Variants in USP3 observed in about 807,000 individuals in gnomAD.
USP3 encodes the protein ubiquitin carboxyl-terminal hydrolase 3.
A neutral mutation model predicts 72.3 loss-of-function variants in USP3; 20 were observed. That is an observed-to-expected ratio of 0.28 (90% confidence interval 0.19 to 0.40). USP3 has a LOEUF of 0.40. Ranked by LOEUF, USP3 falls within the 10% of genes least tolerant of loss-of-function variation. The pLI, the probability that USP3 is intolerant of heterozygous loss-of-function variation, is 1.00. For missense variants in USP3, 479 were observed against 633.9 expected (o/e 0.76, Z 2.62); for synonymous variants, 222 against 225.3 (o/e 0.99, Z 0.13).
chr15:63,533,560 A>G (rs2066110430), intron 2 of USP3, among the ~76,000 whole-genome samples: 1 of 152,212 alleles, frequency 6.6e-6, no homozygotes, highest in Non-Finnish European at 1.5e-5. Context: ...CAGTAAGGAA[A>G]TGAGAAATCA....
chr15:63,520,678 C>G (rs1040608505), intron 1 of USP3, among the ~76,000 whole-genome samples: 1 of 151,084 alleles, frequency 6.6e-6, no homozygotes, highest in African/African-American at 2.4e-5. Flanking sequence ...ATTCTCCTGC[C>G]TCAGCCTCCC....
intron 1 of USP3, among the ~76,000 whole-genome samples, chr15:63,508,394 G>A (rs904068236): frequency 3.0e-4 from 45 of 152,238 alleles, no homozygotes; most frequent in African/African-American, 1.0e-3. Flanking sequence ...GTCCTTTGCT[G>A]CCAAAAAAGT....
intron 11 of USP3, among the ~76,000 whole-genome samples, chr15:63,578,663 A>G (rs936091969): frequency 1.2e-4 from 18 of 152,066 alleles, no homozygotes; most frequent in African/African-American, 3.6e-4. Context: ...CTTGATGACA[A>G]TTATTCATTA....
intron 2 of USP3, among the ~76,000 whole-genome samples, chr15:63,533,381 T>C (rs1486153161): frequency 6.6e-6 from 1 of 152,160 alleles, no homozygotes; most frequent in African/African-American, 2.4e-5. Flanking sequence ...ACCTGAGCAT[T>C]TCTTCCCAGT....
Position 63,590,958 on chromosome 15 carries a change from T to C in USP3, c.*132T>C. 1 of 1,178,702 alleles carries C rather than the reference T, an allele frequency of 8.5e-7. No homozygotes were observed. Among genetic ancestry groups the C allele is most frequent in the South Asian group, 2.1e-5 (1 of 47,292 alleles). 73.0% of individuals were successfully genotyped at this position (1,178,702 alleles called of 1,614,324 possible). A position where few individuals can be genotyped will look rare whatever the true frequency, so the allele number is the denominator to read the frequency against. ...ATTTTGGATTTAGTTTTGTCAATGG[T>C]AGTGACTTACTGAACATGGGCACCA... On this transcript the variant is annotated 3_prime_UTR_variant, in exon 15 of 15. Transcript: ENST00000380324.
At chr15:63,578,984 A>C (rs1461522575) in intron 11 of USP3, among the ~76,000 whole-genome samples, 2 of 152,192 alleles carry the variant, frequency 1.3e-5, no homozygotes, top group African/African-American at 4.8e-5. Context: ...CTCAATTTTT[A>C]AAAAATCAAA....
In USP3 at chr15:63,574,093, A is replaced by G. The variant is rs948049964; in HGVS notation, c.956A>G (p.Gln319Arg). ...ACGGCTATATTCGGAGGCATTCTCC[A>G]AAATGAGGTTAACTGCCTCATATGT... Reference protein sequence around the residue: ...VVTAIFGGILQNEVNCLICGT... With the variant: ...VVTAIFGGILRNEVNCLICGT... Residue 319 changes from glutamine to arginine, a missense_variant, in exon 10 of 15, where the codon CAA becomes CGA. Physicochemically the swap from Gln to Arg is conservative, Grantham distance 43 (BLOSUM62 1). Coordinates refer to ENST00000380324, the MANE Select transcript of USP3 (RefSeq NM_006537.4). The surrounding 1 kb of genome is among the most constrained non-coding windows in gnomAD (Gnocchi z 4.6). 3 of 1,599,280 alleles carry G rather than the reference A, an allele frequency of 1.9e-6. No homozygotes were observed. The highest frequency in any genetic ancestry group is 2.6e-6 in the Non-Finnish European group (3 of 1,171,866).
chr15:63,534,916 G>GTTTA (rs958674714), intron 2 of USP3, among the ~76,000 whole-genome samples: 55 of 78,194 alleles, frequency 7.0e-4, no homozygotes, highest in Middle Eastern at 6.9e-3. Flanking sequence ...CCTTTTATTT[G>GTTTA]TTTATTTATT....
In USP3 at chr15:63,590,884, C is replaced by G. The variant is rs2067185821; in HGVS notation, c.*58C>G. On this transcript the variant is annotated 3_prime_UTR_variant, in exon 15 of 15. Transcript: ENST00000380324. ...CCAGAGAAACATTTCCAGTTTTCCA[C>G]AAATACTTGATACAAGATTTAATTT... is the stretch of plus-strand genomic sequence containing the variant. The G allele has an allele frequency of 1.0e-5, 15 of 1,502,874 alleles. No homozygotes were observed. Among genetic ancestry groups the G allele is most frequent in the Non-Finnish European group, 1.2e-5 (14 of 1,120,838 alleles). 93.1% of individuals were successfully genotyped at this position (1,502,874 alleles called of 1,614,324 possible).
At chr15:63,566,819 A>T (rs2066698747) in intron 8 of USP3, among the ~76,000 whole-genome samples, 1 of 152,204 alleles carries the variant, frequency 6.6e-6, no homozygotes, top group South Asian at 2.1e-4. Context: ...GAGGAAACTC[A>T]GTCATGATTG....
Position 63,506,305 on chromosome 15 carries a change from A to G in USP3, c.91+1475A>G, listed in dbSNP as rs1343207797. On this transcript the variant is annotated intron_variant, in intron 1 of 14. Coordinates refer to ENST00000380324, the MANE Select transcript of USP3 (RefSeq NM_006537.4). ...ATTGGTTGGTGGTGGTACATTAGCT[A>G]TAACTGTAGCCATTGCTGTGGTGCT... 2.6e-5 allele frequency among the ~76,000 whole-genome samples: 4 copies of G among 152,144 alleles called. No homozygotes were observed. In the East Asian group the frequency reaches 5.8e-4, roughly 22 times the overall value.
At chr15:63,530,290 C>A in intron 1 of USP3, among the ~76,000 whole-genome samples, 1 of 148,326 alleles carries the variant, frequency 6.7e-6, no homozygotes, top group Non-Finnish European at 1.5e-5. Flanking sequence ...TCCCTCCTTC[C>A]CTCCCTTCCT....
chr15:63,558,189 G>GTAA lies in USP3; in HGVS notation c.533+2_533+4dup. On this transcript the variant is annotated splice_donor_variant, in intron 6 of 14. Transcript: ENST00000380324. LOFTEE classifies it high-confidence loss of function. The stretch of plus-strand genomic sequence containing the variant: ...TGAATGCCATCCTTCAGTCACTCAG[G>GTAA]TAACGCTACAGTCAGAGCTTAAGTG... 1 of 1,613,880 alleles carries GTAA rather than the reference G, an allele frequency of 6.2e-7. No homozygotes were observed.
At chr15:63,579,598 C>T (rs2066919596) in intron 11 of USP3, among the ~76,000 whole-genome samples, 1 of 152,072 alleles carries the variant, frequency 6.6e-6, no homozygotes, top group Non-Finnish European at 1.5e-5. Context: ...AACATAAAAC[C>T]ACAGGACACT....
chr15:63,564,765 T>G (rs2066661486), intron 8 of USP3, among the ~76,000 whole-genome samples: 1 of 152,202 alleles, frequency 6.6e-6, no homozygotes, highest in African/African-American at 2.4e-5. Context: ...GAGAATAGGG[T>G]GCTTTTGTAT....
At position 63,511,270 on chromosome 15, in the gene USP3, A is replaced by AAAAAAAAAAAAAAAAG. The variant is rs1219796390; in HGVS notation, c.91+6452_91+6453insAAAGAAAAAAAAAAAA. Among the ~76,000 whole-genome samples, 50 of 148,180 alleles carry AAAAAAAAAAAAAAAAG rather than the reference A, an allele frequency of 3.4e-4. 3 individuals are homozygous for AAAAAAAAAAAAAAAAG. Among genetic ancestry groups the AAAAAAAAAAAAAAAAG allele is most frequent in the African/African-American group, 1.2e-3 (49 of 40,328 alleles). On this transcript the variant is annotated intron_variant, in intron 1 of 14. Coordinates refer to ENST00000380324, the MANE Select transcript of USP3 (RefSeq NM_006537.4). ...GACTTTTAGCTTGCTTTTTCTTAAA[A>AAAAAAAAAAAAAAAAG]AAAAAAAAAAAAGAGTCTTTATTTT...
chr15:63,525,552 A>C (rs190559856), intron 1 of USP3, among the ~76,000 whole-genome samples: 1 of 152,142 alleles, frequency 6.6e-6, no homozygotes, highest in Non-Finnish European at 1.5e-5. Flanking sequence ...TCTGGATTAC[A>C]TTATGGCTCA....
intron 4 of USP3, chr15:63,556,170 G>A (rs2066504501): frequency 6.6e-6 from 1 of 152,364 alleles, no homozygotes; most frequent in African/African-American, 2.4e-5. Flanking sequence ...ACATGTGCCT[G>A]TATTCCTGTA....
intron 1 of USP3, among the ~76,000 whole-genome samples, chr15:63,516,161 C>T (rs1567090801): frequency 6.6e-6 from 1 of 152,034 alleles, no homozygotes; most frequent in South Asian, 2.1e-4. Flanking sequence ...GCTTAGTTTA[C>T]CTTAGACACA....
Sources: allele counts gnomAD v4.1 joint callset (sites outside exome capture counted in the v4.1 genomes callset), GRCh38; gene constraint gnomAD v4.1.1; non-coding constraint Gnocchi (gnomAD v3.1); transcripts MANE v1.5; gene names NCBI Gene and HGNC (gene_info 2026-07-23, HGNC 2026-07-21).